CCSER1: variants seen among roughly 807,000 people sequenced by gnomAD.
CCSER1 encodes the protein coiled-coil serine rich protein 1.
A neutral mutation model predicts 82.0 loss-of-function variants in CCSER1; 41 were observed. The ratio of observed to expected loss-of-function variants is 0.50; its 90% CI spans 0.39 to 0.65. The LOEUF (loss-of-function observed/expected upper bound fraction) is 0.65. Among genes scored for constraint, CCSER1 ranks in the 30% least tolerant of loss-of-function variants. The pLI, the probability that CCSER1 is intolerant of heterozygous loss-of-function variation, is 0.00. For synonymous variants in CCSER1, 414 were observed against 383.9 expected, an observed-to-expected ratio of 1.08 and a Z score of -0.92; for missense variants, 1,119 against 1,064.2, an observed-to-expected ratio of 1.05 and a Z score of -0.72.
intron 4 of CCSER1, among the ~76,000 whole-genome samples, chr4:90,417,371 C>A (rs1366800074): frequency 2.0e-5 from 3 of 151,752 alleles, no homozygotes; most frequent in East Asian, 3.9e-4. Context: ...AAATTATTAA[C>A]CATTAATATT....
At chr4:91,302,163 C>T (rs984110664) in intron 10 of CCSER1, among the ~76,000 whole-genome samples, 1 of 151,988 alleles carries the variant, frequency 6.6e-6, no homozygotes, top group African/African-American at 2.4e-5. Context: ...ACACTGATAT[C>T]TTCATTTGCA....
intron 1 of CCSER1, among the ~76,000 whole-genome samples, chr4:90,223,748 G>A (rs10005084): frequency 0.025 from 3,836 of 152,260 alleles, 137 homozygotes; most frequent in African/African-American, 0.071. Context: ...ACAATATAAC[G>A]TAAAAAAAGT....
intron 4 of CCSER1, among the ~76,000 whole-genome samples, chr4:90,418,921 T>C (rs1756231294): frequency 6.6e-6 from 1 of 152,042 alleles, no homozygotes; most frequent in Admixed American, 6.6e-5. Context: ...TTTTGGATTA[T>C]CTAATTTAAT....
Position 91,059,296 on chromosome 4 carries a change from G to GTA in CCSER1, c.2173-26645_2173-26644dup, listed in dbSNP as rs558606208. 3.5e-4 allele frequency among the ~76,000 whole-genome samples: 29 copies of GTA among 81,772 alleles called. 1 individual carries two copies. In the South Asian group the frequency reaches 6.1e-3, roughly 17 times the overall value. The allele number at this position is 81,772 out of a possible 152,430, so 53.6% of individuals were successfully genotyped here. A position where few individuals can be genotyped will look rare whatever the true frequency, so the allele number is the denominator to read the frequency against. On this transcript the variant is annotated intron_variant, in intron 9 of 10. Transcript: ENST00000509176. ...ACCACATCATTAAGCTGAAATGTGT[G>GTA]TATATATATACGTGTATATATATAT...
At chr4:90,984,279 C>T (rs1381242860) in intron 9 of CCSER1, among the ~76,000 whole-genome samples, 1 of 151,726 alleles carries the variant, frequency 6.6e-6, no homozygotes, top group East Asian at 1.9e-4. Context: ...TTTATCCTCA[C>T]AATAACCTTA....
At chr4:90,561,142 C>A (rs1778715479) in intron 5 of CCSER1, among the ~76,000 whole-genome samples, 2 of 152,176 alleles carry the variant, frequency 1.3e-5, no homozygotes, top group Non-Finnish European at 2.9e-5. Context: ...ATCTGTTATG[C>A]CTCACCTTCA....
At chr4:91,508,007 T>G (rs549569755) in intron 10 of CCSER1, among the ~76,000 whole-genome samples, 12 of 100,732 alleles carry the variant, frequency 1.2e-4, no homozygotes, top group African/African-American at 3.3e-4. Flanking sequence ...TATATATATA[T>G]ATATGAAATT....
intron 10 of CCSER1, among the ~76,000 whole-genome samples, chr4:91,104,357 T>G (rs184536391): frequency 3.9e-4 from 60 of 152,304 alleles, no homozygotes; most frequent in Non-Finnish European, 6.8e-4. Context: ...TAATAAAAAC[T>G]TGCTGGTTTT....
chr4:90,594,359 AG>A, intron 5 of CCSER1, among the ~76,000 whole-genome samples: 1 of 152,170 alleles, frequency 6.6e-6, no homozygotes, highest in East Asian at 1.9e-4. Context: ...CTCATAATTT[AG>A]TAAGAAACAT....
intron 10 of CCSER1, among the ~76,000 whole-genome samples, chr4:91,289,167 C>A (rs748315859): frequency 3.3e-5 from 5 of 151,960 alleles, no homozygotes; most frequent in Admixed American, 3.3e-4. Context: ...GCAACAATAA[C>A]AAACCCAGCT....
chr4:90,465,945 G>GTA (rs137870273), intron 4 of CCSER1, among the ~76,000 whole-genome samples: 2,160 of 152,194 alleles, frequency 0.014, 28 homozygotes, highest in African/African-American at 0.042. Context: ...TGAATATACA[G>GTA]TATATATATT....
At chr4:91,408,546 G>A (rs542288881) in intron 10 of CCSER1, among the ~76,000 whole-genome samples, 2 of 152,212 alleles carry the variant, frequency 1.3e-5, no homozygotes, top group East Asian at 3.9e-4. Flanking sequence ...AAATTCAACA[G>A]TTTTTGCTTT....
chr4:91,252,770 C>T (rs1271936907), intron 10 of CCSER1, among the ~76,000 whole-genome samples: 1 of 151,772 alleles, frequency 6.6e-6, no homozygotes, highest in Non-Finnish European at 1.5e-5. Flanking sequence ...AACTTTAGGA[C>T]ATTAAATGTA....
intron 10 of CCSER1, among the ~76,000 whole-genome samples, chr4:91,447,778 C>G (rs1432609123): frequency 6.6e-6 from 1 of 151,910 alleles, no homozygotes; most frequent in African/African-American, 2.4e-5. Context: ...CATTTAAAGT[C>G]TAGAAAGTAC....
chr4:91,561,407 G>A (rs1327264071), intron 10 of CCSER1, among the ~76,000 whole-genome samples: 1 of 151,196 alleles, frequency 6.6e-6, no homozygotes, highest in Admixed American at 6.6e-5. Context: ...CTTTATCTGG[G>A]CTGCCTCTAC....
intron 1 of CCSER1, among the ~76,000 whole-genome samples, chr4:90,202,230 C>T (rs1361771015): frequency 7.4e-5 from 11 of 147,818 alleles, no homozygotes; most frequent in East Asian, 6.0e-4. Flanking sequence ...GACTGAGTGT[C>T]GCTCTGTCAC....
At chr4:90,324,887 A>G (rs534737981) in intron 3 of CCSER1, among the ~76,000 whole-genome samples, 2 of 152,258 alleles carry the variant, frequency 1.3e-5, no homozygotes, top group African/African-American at 4.8e-5. Flanking sequence ...CTTTCTACAT[A>G]TGGCTAGCCA....
At chr4:90,593,032 ATTC>A (rs1186631047) in intron 5 of CCSER1, among the ~76,000 whole-genome samples, 2 of 152,196 alleles carry the variant, frequency 1.3e-5, no homozygotes, top group African/African-American at 4.8e-5. Flanking sequence ...ATACTGTAGA[ATTC>A]TTCATTAGAT....
At chr4:90,438,607 GA>G (rs1366817010) in intron 4 of CCSER1, among the ~76,000 whole-genome samples, 2 of 152,128 alleles carry the variant, frequency 1.3e-5, no homozygotes, top group Non-Finnish European at 2.9e-5. Context: ...ACATACTTGT[GA>G]AACTGTTTTA....
Sources: allele counts gnomAD v4.1 joint callset (sites outside exome capture counted in the v4.1 genomes callset), GRCh38; gene constraint gnomAD v4.1.1; transcripts MANE v1.5; gene names NCBI Gene and HGNC (gene_info 2026-07-23, HGNC 2026-07-21).